SH3PXD2A: variants seen among roughly 807,000 people sequenced by gnomAD.
The protein encoded by SH3PXD2A is SH3 and PX domains 2A, also known as SH3 and PX domain-containing protein 2A.
In SH3PXD2A, 32 loss-of-function variants were observed where a neutral mutation model predicts 115.2. The ratio of observed to expected loss-of-function variants is 0.28; its 90% CI spans 0.21 to 0.37. SH3PXD2A has a LOEUF of 0.37. SH3PXD2A is among the 10% of genes least tolerant of loss of function. The pLI is 1.00. For missense variants in SH3PXD2A, 1,328 were observed against 1,498.7 expected (o/e 0.89, Z 1.88); for synonymous variants, 610 against 629.1 (o/e 0.97, Z 0.45).
At chr10:103,664,706 G>A (rs1056287944) in intron 7 of SH3PXD2A, among the ~76,000 whole-genome samples, 2 of 144,068 alleles carry the variant, frequency 1.4e-5, no homozygotes, top group African/African-American at 2.6e-5. Flanking sequence ...TTGCTCTGTC[G>A]CCCAGGTTGG....
intron 6 of SH3PXD2A, among the ~76,000 whole-genome samples, chr10:103,669,350 C>A (rs560017453): frequency 6.6e-6 from 1 of 152,304 alleles, no homozygotes; most frequent in African/African-American, 2.4e-5. Context: ...GCCTCAGTTT[C>A]CTCACCTGTG....
At chr10:103,769,709 G>A (rs1047418967) in intron 2 of SH3PXD2A, among the ~76,000 whole-genome samples, 2 of 152,064 alleles carry the variant, frequency 1.3e-5, no homozygotes, top group African/African-American at 4.8e-5. Context: ...TGGGATTACC[G>A]GTGTGAGCCA....
chr10:103,855,439 G>C lies in SH3PXD2A; in HGVS notation c.-173C>G. On this transcript the variant is annotated 5_prime_UTR_variant, in exon 1 of 15. Coordinates refer to ENST00000369774, the MANE Select transcript of SH3PXD2A (RefSeq NM_001394015.1). Reference sequence around the variant, plus strand: ...AGGTCCGGCCCAGGGACGGGGGAGGGTCCCGGAGGGCGCGCGGGCTCCGTG... The same window carrying C: ...AGGTCCGGCCCAGGGACGGGGGAGGCTCCCGGAGGGCGCGCGGGCTCCGTG... 1 of 278,104 alleles carries C rather than the reference G, an allele frequency of 3.6e-6. No individual in the cohort carries two copies. The highest frequency in any genetic ancestry group is 6.5e-6 in the Non-Finnish European group (1 of 153,774). The allele number at this position is 278,104 out of a possible 1,614,324, so 17.2% of individuals were successfully genotyped here.
intron 1 of SH3PXD2A, among the ~76,000 whole-genome samples, chr10:103,826,773 C>G (rs1363208716): frequency 1.3e-5 from 2 of 152,280 alleles, no homozygotes; most frequent in East Asian, 3.9e-4. Context: ...GAATCTTCAG[C>G]ACCTGATATG....
chr10:103,726,859 A>G (rs1589431307), intron 4 of SH3PXD2A, among the ~76,000 whole-genome samples: 1 of 152,344 alleles, frequency 6.6e-6, no homozygotes, highest in Admixed American at 6.5e-5. Flanking sequence ...AGACCAGACC[A>G]TGGCAGATAA....
intron 3 of SH3PXD2A, among the ~76,000 whole-genome samples, chr10:103,757,521 G>T (rs957678198): frequency 2.6e-5 from 4 of 152,196 alleles, no homozygotes; most frequent in Non-Finnish European, 5.9e-5. Flanking sequence ...CTTCTAGAAT[G>T]ATTGGGAAGG....
At chr10:103,632,733 T>C (rs1207253559) in intron 8 of SH3PXD2A, among the ~76,000 whole-genome samples, 1 of 152,104 alleles carries the variant, frequency 6.6e-6, no homozygotes, top group Non-Finnish European at 1.5e-5. Context: ...CCCAACACTT[T>C]GGGAGGCCAA....
chr10:103,633,340 C>T (rs886566140), intron 8 of SH3PXD2A, among the ~76,000 whole-genome samples: 9 of 151,772 alleles, frequency 5.9e-5, no homozygotes, highest in Non-Finnish European at 7.4e-5. Context: ...CACTTGAGCC[C>T]GGGAGCCGGA....
chr10:103,781,734 T>A (rs548614904), intron 2 of SH3PXD2A, among the ~76,000 whole-genome samples: 1 of 152,290 alleles, frequency 6.6e-6, no homozygotes, highest in South Asian at 2.1e-4. Flanking sequence ...CAAACCCACA[T>A]GCACAGTGGT....
intron 5 of SH3PXD2A, among the ~76,000 whole-genome samples, chr10:103,701,330 T>TCATC (rs1332504136): frequency 5.4e-5 from 5 of 92,234 alleles, no homozygotes; most frequent in South Asian, 4.0e-4. Flanking sequence ...ATCCATCCAT[T>TCATC]CATCCATCCA....
chr10:103,807,539 G>A (rs2039218969), intron 1 of SH3PXD2A, among the ~76,000 whole-genome samples: 1 of 152,178 alleles, frequency 6.6e-6, no homozygotes, highest in African/African-American at 2.4e-5. Context: ...GTATACAGTT[G>A]GGCAAGTTGT....
intron 1 of SH3PXD2A, among the ~76,000 whole-genome samples, chr10:103,823,373 C>T (rs2039399840): frequency 6.6e-6 from 1 of 152,216 alleles, no homozygotes; most frequent in Non-Finnish European, 1.5e-5. Flanking sequence ...TGACCCTTAA[C>T]ACCCACCTTG....
chr10:103,628,792 G>A (rs2036735776), intron 8 of SH3PXD2A, among the ~76,000 whole-genome samples: 1 of 152,166 alleles, frequency 6.6e-6, no homozygotes, highest in Non-Finnish European at 1.5e-5. Context: ...TCAGAGTCAG[G>A]AAGAACTGGG....
chr10:103,666,807 A>C lies in SH3PXD2A; in HGVS notation c.472+1801T>G, dbSNP rs1253376161. 6.6e-6 allele frequency among the ~76,000 whole-genome samples: 1 copy of C among 152,222 alleles called. No individual in the cohort carries two copies. Among genetic ancestry groups the C allele is most frequent in the Non-Finnish European group, 1.5e-5 (1 of 68,036 alleles). On this transcript the variant is annotated intron_variant, in intron 7 of 14. Transcript: ENST00000369774. The surrounding 1 kb of genome is among the most constrained non-coding windows in gnomAD (Gnocchi z 4.5). ...GCAAGTGGAGGGAATGGGAGATCTG[A>C]GGAGCAGCAAAGCTGTTGGTTCCTT...
At chr10:103,653,625 G>T (rs2037163790) in intron 8 of SH3PXD2A, among the ~76,000 whole-genome samples, 2 of 152,208 alleles carry the variant, frequency 1.3e-5, no homozygotes, top group Non-Finnish European at 2.9e-5. Flanking sequence ...ACCTGGGCAG[G>T]GTGACAGCAT....
At chr10:103,709,353 G>A (rs1423353245) in intron 5 of SH3PXD2A, among the ~76,000 whole-genome samples, 1 of 152,154 alleles carries the variant, frequency 6.6e-6, no homozygotes, top group Non-Finnish European at 1.5e-5. Flanking sequence ...CCCTTCTCTG[G>A]ACTGCACAAC....
Position 103,631,171 on chromosome 10 carries a change from G to A in SH3PXD2A, c.605-3969C>T, listed in dbSNP as rs566974253. 2.0e-5 allele frequency among the ~76,000 whole-genome samples: 3 copies of A among 152,262 alleles called. No homozygotes were observed. The East Asian group carries it at 5.8e-4, about 29-fold the overall frequency. ...TCCTATCTACTTGGGAGGCTGAGGT[G>A]GGAGGATCAGTCGAGCCCAGGAGTT... is the stretch of plus-strand genomic sequence containing the variant. On this transcript the variant is annotated intron_variant, in intron 8 of 14. Coordinates refer to ENST00000369774, the MANE Select transcript of SH3PXD2A (RefSeq NM_001394015.1).
intron 9 of SH3PXD2A, among the ~76,000 whole-genome samples, chr10:103,625,584 G>A (rs2036679018): frequency 6.6e-6 from 1 of 152,196 alleles, no homozygotes; most frequent in African/African-American, 2.4e-5. Context: ...AGAGGCCCTG[G>A]CATGCCCTAT....
chr10:103,809,421 G>T (rs898455498), intron 1 of SH3PXD2A, among the ~76,000 whole-genome samples: 1 of 152,126 alleles, frequency 6.6e-6, no homozygotes, highest in Admixed American at 6.5e-5. Context: ...CTAGGAGAAG[G>T]TTCCTCCCAG....
Sources: allele counts gnomAD v4.1 joint callset (sites outside exome capture counted in the v4.1 genomes callset), GRCh38; gene constraint gnomAD v4.1.1; non-coding constraint Gnocchi (gnomAD v3.1); transcripts MANE v1.5; gene names NCBI Gene and HGNC (gene_info 2026-07-23, HGNC 2026-07-21).